KLRC2: variants seen among roughly 807,000 people sequenced by gnomAD.
KLRC2 encodes the protein NKG2-C type II integral membrane protein.
In KLRC2, 10 loss-of-function variants were observed where a neutral mutation model predicts 25.5. The ratio of observed to expected loss-of-function variants is 0.39; its 90% CI spans 0.24 to 0.67. KLRC2 has a LOEUF of 0.67. Among genes scored for constraint, KLRC2 ranks in the 30% least tolerant of loss-of-function variants. The pLI is 0.45. For missense variants in KLRC2, 170 were observed against 272.8 expected, an observed-to-expected ratio of 0.62 and a Z score of 2.65; for synonymous variants, 48 against 93.3, an observed-to-expected ratio of 0.51 and a Z score of 2.80.
At chr12:10,433,113 C>T (rs1863832175) in intron 4 of KLRC2, among the ~76,000 whole-genome samples, 1 of 141,280 alleles carries the variant, frequency 7.1e-6, no homozygotes, top group African/African-American at 2.7e-5. Context: ...ACTAACAGTG[C>T]ACCGTAAACC....
Position 10,436,008 on chromosome 12 carries a change from G to C in KLRC2, c.-22C>G. The C allele has an allele frequency of 1.2e-6, 2 of 1,600,448 alleles. No homozygotes were observed. Among genetic ancestry groups the C allele is most frequent in the South Asian group, 1.1e-5 (1 of 89,988 alleles). On this transcript the variant is annotated 5_prime_UTR_variant, in exon 1 of 6. Transcript: ENST00000381902. ...TCATCTCTGCAGCTGTGTGATGTGA[G>C]GGACTGTGCTCTATGATAACTGCAC... is the stretch of plus-strand genomic sequence containing the variant.
chr12:10,431,108 G>T lies in KLRC2; in HGVS notation c.*9C>A, dbSNP rs192814562. ...TATCTGATGCACTGCAAACGCAAAT[G>T]CTTTACTTCTAAAGCTTATGCTTAC... On this transcript the variant is annotated 3_prime_UTR_variant, in exon 6 of 6. Transcript: ENST00000381902. 1,354 of 1,472,480 alleles carry T rather than the reference G, an allele frequency of 9.2e-4. 270 individuals are homozygous for T. The East Asian group carries it at 0.027, about 30-fold the overall frequency. The allele number at this position is 1,472,480 out of a possible 1,614,324, so 91.2% of individuals were successfully genotyped here. A position where few individuals can be genotyped will look rare whatever the true frequency, so the allele number is the denominator to read the frequency against.
chr12:10,434,832 CT>C (rs1166631270), intron 2 of KLRC2, among the ~76,000 whole-genome samples: 22 of 151,698 alleles, frequency 1.5e-4, no homozygotes, highest in Admixed American at 1.3e-4. Context: ...CAGAAAATAT[CT>C]TTGTGTGTGT....
chr12:10,432,316 G>A, intron 4 of KLRC2, 110 bp from the exon 5 acceptor site: 1 of 646,464 alleles, frequency 1.5e-6, no homozygotes, highest in Non-Finnish European at 2.4e-6. Flanking sequence ...TTTCATAAAT[G>A]TTTGAATTTT....
chr12:10,433,130 G>A (rs1242893173), intron 4 of KLRC2, among the ~76,000 whole-genome samples: 1 of 141,142 alleles, frequency 7.1e-6, no homozygotes, highest in Non-Finnish European at 1.5e-5. Context: ...AACCACCTAG[G>A]GTCCTCTTTG....
In KLRC2 at chr12:10,431,039, G is replaced by T; in HGVS notation, c.*78C>A. The T allele has an allele frequency of 2.5e-6, 3 of 1,198,532 alleles. No individual in the cohort carries two copies. The highest frequency in any genetic ancestry group is 1.5e-5 in the South Asian group (1 of 67,904). 74.2% of individuals were successfully genotyped at this position (1,198,532 alleles called of 1,614,324 possible). A position where few individuals can be genotyped will look rare whatever the true frequency, so the allele number is the denominator to read the frequency against. ...GAGCAAATAACATAATTCATTTTCA[G>T]ATTTATGCAATCATAATATTTCTAT... On this transcript the variant is annotated 3_prime_UTR_variant, in exon 6 of 6. Transcript: ENST00000381902.
rs145132800 is a variant in KLRC2, at chr12:10,433,259, T to C, written c.483+532A>G. Among the ~76,000 whole-genome samples the C allele has an allele frequency of 2.5e-4, 36 of 142,142 alleles. 5 individuals carry two copies. Among genetic ancestry groups the C allele is most frequent in the African/African-American group, 8.8e-4 (33 of 37,300 alleles). The allele number at this position is 142,142 out of a possible 152,430, so 93.3% of individuals were successfully genotyped here. A position where few individuals can be genotyped will look rare whatever the true frequency, so the allele number is the denominator to read the frequency against. ...CATACTACTGATAACTGCAATAATA[T>C]GGAGGAATTGCACAAATATCAGATA... On this transcript the variant is annotated intron_variant, in intron 4 of 5. Coordinates refer to ENST00000381902, the MANE Select transcript of KLRC2 (RefSeq NM_002260.4).
chr12:10,433,966 C>G lies in KLRC2; in HGVS notation c.332-24G>C. 4 of 1,531,194 alleles carry G rather than the reference C, an allele frequency of 2.6e-6. 1 individual carries two copies. Among genetic ancestry groups the G allele is most frequent in the African/African-American group, 3.0e-5 (2 of 67,528 alleles). 94.9% of individuals were successfully genotyped at this position (1,531,194 alleles called of 1,614,324 possible). ...TGCTAATAAAGATATGAATTACTAT[C>G]TAGACCAATATGAATTTTTAAAAAT... On this transcript the variant is annotated intron_variant, in intron 3 of 5. Transcript: ENST00000381902.
At position 10,433,196 on chromosome 12, in the gene KLRC2, T is replaced by A. The variant is rs1863832829; in HGVS notation, c.483+595A>T. Among the ~76,000 whole-genome samples the A allele has an allele frequency of 1.4e-5, 2 of 141,926 alleles. 1 individual carries two copies. The highest frequency in any genetic ancestry group is 3.1e-5 in the Non-Finnish European group (2 of 64,832). The allele number at this position is 141,926 out of a possible 152,430, so 93.1% of individuals were successfully genotyped here. ...CCAGAGACAAGGACTCAATGGATTCTTACTGTTCTTTGTACATAGTACAGC... is the reference window on the plus strand; with the variant it reads ...CCAGAGACAAGGACTCAATGGATTCATACTGTTCTTTGTACATAGTACAGC... On this transcript the variant is annotated intron_variant, in intron 4 of 5. Transcript: ENST00000381902.
At position 10,431,421 on chromosome 12, in the gene KLRC2, G is replaced by C. The variant is rs1350532219; in HGVS notation, c.585-193C>G. The C allele has an allele frequency of 3.3e-5, 20 of 613,616 alleles. 1 individual carries two copies. Among genetic ancestry groups the C allele is most frequent in the Non-Finnish European group, 5.6e-5 (20 of 358,738 alleles). 38.0% of individuals were successfully genotyped at this position (613,616 alleles called of 1,614,324 possible). A position where few individuals can be genotyped will look rare whatever the true frequency, so the allele number is the denominator to read the frequency against. On this transcript the variant is annotated intron_variant, in intron 5 of 5. Coordinates refer to ENST00000381902, the MANE Select transcript of KLRC2 (RefSeq NM_002260.4). ...TTCATCCACGAGGGATATGTTTCAA[G>C]ACCCCAGTGGATGCCTGAAATGGCA...
Position 10,430,738 on chromosome 12 carries a change from C to T in KLRC2, c.*379G>A, listed in dbSNP as rs1717256027. On this transcript the variant is annotated 3_prime_UTR_variant, in exon 6 of 6. Coordinates refer to ENST00000381902, the MANE Select transcript of KLRC2 (RefSeq NM_002260.4). ...CCACTACTGAAATTTAGAAAGTTTT[C>T]ATCACGACACAAAGAAACGTTCTAT... 2 of 165,956 alleles carry T rather than the reference C, an allele frequency of 1.2e-5. No homozygotes were observed. The highest frequency in any genetic ancestry group is 2.5e-5 in the Non-Finnish European group (2 of 80,014). 10.3% of individuals were successfully genotyped at this position (165,956 alleles called of 1,614,324 possible).
At chr12:10,433,662 C>A in intron 4 of KLRC2, 129 bp downstream of exon 4, 1 of 1,027,964 alleles carries the variant, frequency 9.7e-7, no homozygotes, top group Non-Finnish European at 1.4e-6. Context: ...TTAAGTCAAT[C>A]AATTGAATAT....
chr12:10,431,899 C>G lies in KLRC2; in HGVS notation c.584+207G>C, dbSNP rs1863820542. Among the ~76,000 whole-genome samples the G allele has an allele frequency of 1.4e-5, 2 of 140,644 alleles. 1 individual carries two copies. The highest frequency in any genetic ancestry group is 5.5e-5 in the African/African-American group (2 of 36,480). The allele number at this position is 140,644 out of a possible 152,430, so 92.3% of individuals were successfully genotyped here. On this transcript the variant is annotated intron_variant, in intron 5 of 5. Coordinates refer to ENST00000381902, the MANE Select transcript of KLRC2 (RefSeq NM_002260.4). ...CAAAGATGGGACACCCCTGGTCCAT[C>G]TGATAACCAAGAAGGTTACTAGCAG...
chr12:10,432,850 T>G (rs1480620522), intron 4 of KLRC2, among the ~76,000 whole-genome samples: 2 of 135,282 alleles, frequency 1.5e-5, no homozygotes, highest in Admixed American at 7.2e-5. Flanking sequence ...AGTGTCCGAG[T>G]GAGCATGTTA....
intron 5 of KLRC2, among the ~76,000 whole-genome samples, 174 bp downstream of exon 5, chr12:10,431,932 A>T (rs1215696657): frequency 7.1e-6 from 1 of 141,464 alleles, no homozygotes; most frequent in Non-Finnish European, 1.5e-5. Flanking sequence ...CAGACCAATG[A>T]GCGGTTGAAA....
Position 10,431,965 on chromosome 12 carries a change from T to C in KLRC2, c.584+141A>G, listed in dbSNP as rs1863821469. The C allele has an allele frequency of 2.5e-6, 2 of 786,876 alleles. 1 individual carries two copies. The highest frequency in any genetic ancestry group is 4.0e-5 in the African/African-American group (2 of 50,454). The allele number at this position is 786,876 out of a possible 1,614,324, so 48.7% of individuals were successfully genotyped here. On this transcript the variant is annotated intron_variant, in intron 5 of 5. Transcript: ENST00000381902. ...AAATATATGGACTACTATGGTCTAT[T>C]GTAAAATATTTATATCAACATTTCA... is the stretch of plus-strand genomic sequence containing the variant.
At chr12:10,433,199 C>G (rs1434209856) in intron 4 of KLRC2, among the ~76,000 whole-genome samples, 1 of 141,864 alleles carries the variant, frequency 7.0e-6, no homozygotes, top group Non-Finnish European at 1.5e-5. Context: ...TGGATTCTTA[C>G]TGTTCTTTGT....
Position 10,432,019 on chromosome 12 carries a change from A to G in KLRC2, c.584+87T>C, listed in dbSNP as rs1369362907. 4.9e-5 allele frequency: 53 copies of G among 1,086,236 alleles called. 3 individuals carry two copies. In the Admixed American group the frequency reaches 1.3e-3, roughly 26 times the overall value. 67.3% of individuals were successfully genotyped at this position (1,086,236 alleles called of 1,614,324 possible). ...ACTTTCCACATCTTTCTTCATGTCAATGATTCCACATAAATTTATTCATAT... is the reference window on the plus strand; with the variant it reads ...ACTTTCCACATCTTTCTTCATGTCAGTGATTCCACATAAATTTATTCATAT... On this transcript the variant is annotated intron_variant, in intron 5 of 5. Transcript: ENST00000381902.
chr12:10,431,981 C>G, intron 5 of KLRC2, 125 bp downstream of exon 5: 1 of 870,298 alleles, frequency 1.1e-6, no homozygotes, highest in Non-Finnish European at 1.7e-6. Flanking sequence ...ATATTTATAT[C>G]AACATTTCAC....
Sources: gnomAD v4.1 joint callset for allele counts (sites outside exome capture counted in the v4.1 genomes callset) on GRCh38, gnomAD v4.1.1 for gene constraint, MANE v1.5 for transcripts, NCBI Gene and HGNC (gene_info 2026-07-23, HGNC 2026-07-21) for gene names.